The following RPA1 variants were observed in gnomAD, a reference collection of about 807,000 sequenced individuals.
The protein encoded by RPA1 is replication protein A 70 kDa DNA-binding subunit.
In RPA1, 49 loss-of-function variants were observed where a neutral mutation model predicts 83.0. That is an observed-to-expected ratio of 0.59 (90% CI 0.47 to 0.75). The LOEUF (loss-of-function observed/expected upper bound fraction) is 0.75. RPA1 is among the 30% of genes least tolerant of loss of function. The pLI is 0.00. For synonymous variants in RPA1, 279 were observed against 281.8 expected (o/e 0.99, Z 0.10); for missense variants, 693 against 776.1 (o/e 0.89, Z 1.27).
At chr17:1,889,685 A>G (rs1914132383) in intron 14 of RPA1, among the ~76,000 whole-genome samples, 1 of 152,110 alleles carries the variant, frequency 6.6e-6, no homozygotes, top group African/African-American at 2.4e-5. Context: ...TGATAGAACT[A>G]GGCGATAATA....
intron 11 of RPA1, among the ~76,000 whole-genome samples, 188 bp downstream of exon 11, chr17:1,879,887 G>T (rs1471528854): frequency 7.0e-4 from 102 of 146,740 alleles, no homozygotes; most frequent in Non-Finnish European, 9.0e-5. Context: ...GGCGGAGGGG[G>T]CATCTTGTCC....
intron 6 of RPA1, 75 bp from the exon 7 acceptor site, chr17:1,875,586 G>A: frequency 6.7e-7 from 1 of 1,496,790 alleles, no homozygotes; most frequent in South Asian, 1.3e-5. Flanking sequence ...AAAATTTAGA[G>A]TTATTGTAAA....
In RPA1 at chr17:1,884,821, T is replaced by C. The variant is rs1284043688; in HGVS notation, c.1374+877T>C. On this transcript the variant is annotated intron_variant, in intron 13 of 16. Transcript: ENST00000254719. This position sits in a 1 kb window ranked among gnomAD's most constrained non-coding sequence, Gnocchi z 4.1. ...AGCCCAGGAGTTCGACTGAGCAACA[T>C]GGAAGACCCCTTCTCTTGAAACAAA... Among the ~76,000 whole-genome samples, 2 of 152,190 alleles carry C rather than the reference T, an allele frequency of 1.3e-5. No homozygotes were observed. Among genetic ancestry groups the C allele is most frequent in the Non-Finnish European group, 2.9e-5 (2 of 68,032 alleles).
chr17:1,877,802 A>C (rs1403700517), intron 8 of RPA1, among the ~76,000 whole-genome samples: 1 of 152,148 alleles, frequency 6.6e-6, no homozygotes, highest in Non-Finnish European at 1.5e-5. Context: ...TTTTGTGGGA[A>C]ATGGGTTCTG....
chr17:1,838,943 C>G lies in RPA1; in HGVS notation c.34-3860C>G, dbSNP rs180745667. On this transcript the variant is annotated intron_variant, in intron 1 of 16. Coordinates refer to ENST00000254719, the MANE Select transcript of RPA1 (RefSeq NM_002945.5). ...TCGGCTCACTGCAAGCTCCACCTCC[C>G]GGATTCACAGCATTCTCCTGCCTCA... 6.9e-3 allele frequency among the ~76,000 whole-genome samples: 1,044 copies of G among 152,162 alleles called. 6 individuals carry two copies. The highest frequency in any genetic ancestry group is 0.024 in the African/African-American group (994 of 41,524).
At position 1,883,734 on chromosome 17, in the gene RPA1, G is replaced by A. The variant is rs528678416; in HGVS notation, c.1242-78G>A. On this transcript the variant is annotated intron_variant, in intron 12 of 16. Coordinates refer to ENST00000254719, the MANE Select transcript of RPA1 (RefSeq NM_002945.5). ...GTGGTGGGAAACCTGTGTCTGTCGC[G>A]TAGCAGCAAGTTGCATGTGGAGAAG... 7.8e-5 allele frequency: 125 copies of A among 1,593,446 alleles called. No individual in the cohort carries two copies. In the South Asian group the frequency reaches 1.1e-3, roughly 14 times the overall value.
At chr17:1,830,255 G>T in intron 1 of RPA1, 129 bp downstream of exon 1, 1 of 624,816 alleles carries the variant, frequency 1.6e-6, no homozygotes, top group Non-Finnish European at 2.3e-6. Context: ...GGCGGGGGGC[G>T]GTGGGGACCC....
chr17:1,894,924 T>C (rs1914341027), intron 15 of RPA1, 85 bp from the exon 16 acceptor site: 2 of 1,078,296 alleles, frequency 1.9e-6, no homozygotes, highest in African/African-American at 1.6e-5. Flanking sequence ...GAGATGCATT[T>C]TCAGAAGTCT....
At chr17:1,886,522 G>T (rs1226387751) in intron 13 of RPA1, among the ~76,000 whole-genome samples, 1 of 152,154 alleles carries the variant, frequency 6.6e-6, no homozygotes, top group South Asian at 2.1e-4. Flanking sequence ...TTCTGTCTAC[G>T]TTGAAAATCT....
Position 1,898,857 on chromosome 17 carries a change from G to A in RPA1, c.*1682G>A, listed in dbSNP as rs1486368196. On this transcript the variant is annotated 3_prime_UTR_variant, in exon 17 of 17. Transcript: ENST00000254719. ...TGTCTGACCTTGCTTATAAAGCATC[G>A]ACGAGAAAATTACAGTCTTCAACCC... is the stretch of plus-strand genomic sequence containing the variant. The A allele has an allele frequency of 2.0e-5, 3 of 152,430 alleles. No homozygotes were observed. Among genetic ancestry groups the A allele is most frequent in the African/African-American group, 7.2e-5 (3 of 41,428 alleles). The allele number at this position is 152,430 out of a possible 1,614,324, so 9.4% of individuals were successfully genotyped here. A position where few individuals can be genotyped will look rare whatever the true frequency, so the allele number is the denominator to read the frequency against.
chr17:1,856,100 G>A (rs148874968), intron 5 of RPA1, among the ~76,000 whole-genome samples: 3 of 152,106 alleles, frequency 2.0e-5, no homozygotes, highest in Non-Finnish European at 4.4e-5. Flanking sequence ...GAGGCAAGCC[G>A]ATCGCTTGCG....
intron 5 of RPA1, among the ~76,000 whole-genome samples, chr17:1,866,189 C>G (rs1352232978): frequency 6.6e-6 from 1 of 152,114 alleles, no homozygotes; most frequent in African/African-American, 2.4e-5. Flanking sequence ...CTGCAGTGAG[C>G]CAGGGCTGTG....
At chr17:1,840,902 A>G (rs1912022091) in intron 1 of RPA1, among the ~76,000 whole-genome samples, 1 of 152,066 alleles carries the variant, frequency 6.6e-6, no homozygotes, top group Non-Finnish European at 1.5e-5. Flanking sequence ...CCCTGTCTCT[A>G]CTAAAAATAC....
At chr17:1,887,212 C>A (rs1322586849) in intron 13 of RPA1, among the ~76,000 whole-genome samples, 2 of 152,144 alleles carry the variant, frequency 1.3e-5, no homozygotes, top group Non-Finnish European at 2.9e-5. Context: ...AGTTCCCCAT[C>A]TTATATGGGT....
chr17:1,859,925 G>A (rs1236810325), intron 5 of RPA1, among the ~76,000 whole-genome samples: 13 of 152,172 alleles, frequency 8.5e-5, no homozygotes, highest in Non-Finnish European at 2.9e-5. Flanking sequence ...CGATTCTCCT[G>A]CCTCAGCCTC....
At chr17:1,888,599 G>C in intron 13 of RPA1, 76 bp from the exon 14 acceptor site, 1 of 1,465,168 alleles carries the variant, frequency 6.8e-7, no homozygotes, top group East Asian at 2.3e-5. Context: ...CGTAAGGGCA[G>C]GCTTTGAGCT....
chr17:1,848,616 G>C (rs1295675272), intron 4 of RPA1, among the ~76,000 whole-genome samples: 1 of 137,010 alleles, frequency 7.3e-6, no homozygotes, highest in East Asian at 2.3e-4. Context: ...CCAGGCTGGA[G>C]TGCAATGGTG....
At chr17:1,858,156 C>T (rs1158492676) in intron 5 of RPA1, 42 of 1,613,838 alleles carry the variant, frequency 2.6e-5, no homozygotes, top group Middle Eastern at 3.3e-4. Flanking sequence ...AGTGTCGGAT[C>T]CCATTCCAGG....
intron 4 of RPA1, among the ~76,000 whole-genome samples, chr17:1,851,302 A>G (rs943516401): frequency 6.6e-6 from 1 of 152,150 alleles, no homozygotes; most frequent in East Asian, 1.9e-4. Flanking sequence ...CACACAATCT[A>G]TATGAATCAG....
Sources: gnomAD v4.1 joint callset for allele counts (sites outside exome capture counted in the v4.1 genomes callset) on GRCh38, gnomAD v4.1.1 for gene constraint, Gnocchi (gnomAD v3.1) non-coding constraint, MANE v1.5 for transcripts, NCBI Gene and HGNC (gene_info 2026-07-23, HGNC 2026-07-21) for gene names.